Variants in FER1L6 observed in about 807,000 individuals in gnomAD.
FER1L6 encodes fer-1-like protein 6.
In FER1L6, 177 loss-of-function variants were observed where a neutral mutation model predicts 219.2. The ratio of observed to expected loss-of-function variants is 0.81; its 90% CI spans 0.71 to 0.91. The LOEUF is 0.91. Ranked by LOEUF, FER1L6 falls within the 40% of genes least tolerant of loss-of-function variation. The probability of loss-of-function intolerance (pLI) is 0.00; values close to 1 mark genes in which losing one functional copy is unlikely to be tolerated. For synonymous variants in FER1L6, 768 were observed against 824.3 expected, an observed-to-expected ratio of 0.93 and a Z score of 1.17; for missense variants, 2,153 against 2,259.9, an observed-to-expected ratio of 0.95 and a Z score of 0.96.
chr8:124,023,556 T>A lies in FER1L6; in HGVS notation c.2246T>A (p.Met749Lys). The change falls in exon 18 of 41, where the codon ATG becomes AAG. Residue 749 changes from methionine (M) to lysine (K), a missense_variant. Transcript: ENST00000522917. ...DLLYSPVAGQ[M>K]GKHCGKIKTH... ...CTCTATTCCCCTGTCGCGGGGCAGA[T>A]GGGCAAACACTGCGGCAAGATCAAA... 1 of 1,614,190 alleles carries A rather than the reference T, an allele frequency of 6.2e-7. No individual in the cohort carries two copies. Among genetic ancestry groups the A allele is most frequent in the African/African-American group, 1.3e-5 (1 of 75,052 alleles).
intron 1 of FER1L6, among the ~76,000 whole-genome samples, chr8:123,926,983 T>G (rs1563689393): frequency 6.6e-6 from 1 of 152,146 alleles, no homozygotes; most frequent in Non-Finnish European, 1.5e-5. Flanking sequence ...GTAATACATA[T>G]GATTTATTTC....
rs534722551 is a variant in FER1L6 at position 123,872,149 on chromosome 8, C to A, written c.-8+19964C>A. Among the ~76,000 whole-genome samples the A allele has an allele frequency of 2.7e-4, 41 of 152,160 alleles. No individual in the cohort carries two copies. The East Asian group carries it at 7.9e-3, about 29-fold the overall frequency. ...ACATACTTTAAACAACCATATCTTT[C>A]GAGAATTTACTATCATGAGGACAGT... On this transcript the variant is annotated intron_variant, in intron 1 of 40. Coordinates refer to ENST00000522917, the MANE Select transcript of FER1L6 (RefSeq NM_001039112.2).
At chr8:123,903,369 C>T (rs948438503) in intron 1 of FER1L6, among the ~76,000 whole-genome samples, 6 of 152,132 alleles carry the variant, frequency 3.9e-5, no homozygotes, top group Non-Finnish European at 8.8e-5. Flanking sequence ...TCCTAGAAAA[C>T]GTAGCATTCC....
At chr8:123,959,014 A>C (rs1815151858) in intron 2 of FER1L6, among the ~76,000 whole-genome samples, 1 of 152,100 alleles carries the variant, frequency 6.6e-6, no homozygotes, top group African/African-American at 2.4e-5. Context: ...CCCTAATTGC[A>C]GATTGTGTAT....
intron 1 of FER1L6, among the ~76,000 whole-genome samples, chr8:123,945,639 TG>T (rs578036762): frequency 6.6e-5 from 10 of 152,390 alleles, no homozygotes; most frequent in African/African-American, 2.2e-4. Flanking sequence ...GCAATTGCAC[TG>T]AGTTGCCTCA....
intron 22 of FER1L6, among the ~76,000 whole-genome samples, chr8:124,052,999 C>T (rs187529825): frequency 2.0e-5 from 3 of 152,204 alleles, no homozygotes; most frequent in East Asian, 1.9e-4. Context: ...TAAAGGTGGT[C>T]GTGGAATGGC....
At chr8:124,082,112 A>T (rs1821578841) in intron 32 of FER1L6, among the ~76,000 whole-genome samples, 176 bp from the exon 33 acceptor site, 1 of 152,236 alleles carries the variant, frequency 6.6e-6, no homozygotes, top group Non-Finnish European at 1.5e-5. Flanking sequence ...CAGAGTTGAA[A>T]ATTGTTTGTA....
At chr8:123,875,817 A>G (rs1816997120) in intron 1 of FER1L6, among the ~76,000 whole-genome samples, 1 of 152,130 alleles carries the variant, frequency 6.6e-6, no homozygotes, top group Admixed American at 6.5e-5. Context: ...TACCATTTCC[A>G]ATTTATGTGC....
chr8:123,988,084 C>T (rs576646122), intron 12 of FER1L6, among the ~76,000 whole-genome samples: 30 of 147,030 alleles, frequency 2.0e-4, no homozygotes, highest in Admixed American at 6.7e-4. Flanking sequence ...GGCGACAGAG[C>T]GCAACTCAAA....
At chr8:123,955,810 C>A (rs1370195045) in intron 1 of FER1L6, among the ~76,000 whole-genome samples, 182 bp from the exon 2 acceptor site, 1 of 152,150 alleles carries the variant, frequency 6.6e-6, no homozygotes, top group Non-Finnish European at 1.5e-5. Context: ...GTGGTTTCTG[C>A]AAAAGCAGAG....
At chr8:123,987,010 T>A (rs1816618386) in intron 12 of FER1L6, among the ~76,000 whole-genome samples, 3 of 152,216 alleles carry the variant, frequency 2.0e-5, no homozygotes, top group Admixed American at 2.0e-4. Flanking sequence ...ATATACTGAC[T>A]TCCTTTCTTT....
chr8:123,954,604 A>G (rs1278009728), intron 1 of FER1L6, among the ~76,000 whole-genome samples: 2 of 152,242 alleles, frequency 1.3e-5, no homozygotes, highest in Non-Finnish European at 2.9e-5. Flanking sequence ...TGTTCCAGGT[A>G]CGGTGCTAAA....
Position 123,852,605 on chromosome 8 carries a change from C to T in FER1L6, c.-8+420C>T, listed in dbSNP as rs987846019. Among the ~76,000 whole-genome samples, 1 of 151,900 alleles carries T rather than the reference C, an allele frequency of 6.6e-6. No homozygotes were observed. Among genetic ancestry groups the T allele is most frequent in the Non-Finnish European group, 1.5e-5 (1 of 67,994 alleles). On this transcript the variant is annotated intron_variant, in intron 1 of 40. Transcript: ENST00000522917. This position sits in a 1 kb window ranked among gnomAD's most constrained non-coding sequence, Gnocchi z 4.9. ...AAGCATGAGGAAGTTGCCTCAGGAA[C>T]TCATAGAAAATGTGGGGCCTCTCAC...
chr8:123,880,244 T>A (rs1817083540), intron 1 of FER1L6, among the ~76,000 whole-genome samples: 1 of 152,144 alleles, frequency 6.6e-6, no homozygotes, highest in Non-Finnish European at 1.5e-5. Flanking sequence ...ATTGACCAGC[T>A]GATCGACCAA....
chr8:124,018,556 C>T (rs956203965), intron 16 of FER1L6, among the ~76,000 whole-genome samples: 1 of 152,208 alleles, frequency 6.6e-6, no homozygotes, highest in East Asian at 1.9e-4. Context: ...TGGCTTTTCT[C>T]AGCACCTCTG....
intron 19 of FER1L6, among the ~76,000 whole-genome samples, chr8:124,038,107 CTG>C (rs141190517): frequency 6.6e-6 from 1 of 152,308 alleles, no homozygotes; most frequent in East Asian, 1.9e-4. Flanking sequence ...CTACAGCTGT[CTG>C]TGTCCCTAGA....
intron 19 of FER1L6, among the ~76,000 whole-genome samples, chr8:124,036,496 T>C (rs1025488819): frequency 2.0e-5 from 3 of 152,206 alleles, no homozygotes; most frequent in African/African-American, 7.2e-5. Context: ...AAGAAAATTA[T>C]GTAGCAAAGA....
rs768657679 is a variant in FER1L6, at chr8:123,975,184, AG to A, written c.562del (p.Asp188ThrfsTer13). ...TCTGCAACAAGTGGGCCCTGCTCAC[AG>A]ACCCTGGTGACATCAGGACTGGCAC... ...QFCNKWALLT[D>X]PGDIRTGTKG... On this transcript the variant is annotated frameshift_variant, in exon 8 of 41. Transcript: ENST00000522917. LOFTEE classifies it high-confidence loss of function. 2.5e-6 allele frequency: 4 copies of A among 1,610,322 alleles called. No individual in the cohort carries two copies. In the Admixed American group the frequency reaches 6.7e-5, roughly 27 times the overall value.
intron 1 of FER1L6, among the ~76,000 whole-genome samples, chr8:123,871,791 C>G (rs937220737): frequency 6.6e-6 from 1 of 152,060 alleles, no homozygotes; most frequent in African/African-American, 2.4e-5. Context: ...GTGGAGAACC[C>G]TTATAAACAC....
Sources: gnomAD v4.1 joint callset for allele counts (sites outside exome capture counted in the v4.1 genomes callset) on GRCh38, gnomAD v4.1.1 for gene constraint, Gnocchi (gnomAD v3.1) non-coding constraint, MANE v1.5 for transcripts, NCBI Gene and HGNC (gene_info 2026-07-23, HGNC 2026-07-21) for gene names.